The following TBC1D5 variants were observed in gnomAD, a reference collection of about 807,000 sequenced individuals.
TBC1D5 encodes the protein TBC1 domain family, member 5.
TBC1D5 carries 75 observed loss-of-function variants against 100.3 expected under a neutral mutation model. The observed-to-expected ratio is 0.75, with a 90% CI of 0.62 to 0.91. TBC1D5 has a LOEUF of 0.91. Ranked by LOEUF, TBC1D5 falls within the 40% of genes least tolerant of loss-of-function variation. The pLI is 0.00. For synonymous variants in TBC1D5, 323 were observed against 325.6 expected, an observed-to-expected ratio of 0.99 and a Z score of 0.09; for missense variants, 910 against 942.4, an observed-to-expected ratio of 0.97 and a Z score of 0.45.
Position 17,449,818 on chromosome 3 carries a change from A to C in TBC1D5, c.98-21299T>G, listed in dbSNP as rs1301987354. ...CTGTGGGAGCAGCTTCAGCAGACTTAAACATTCCTGCCTGCAGAATCTGAA... is the reference window on the plus strand; with the variant it reads ...CTGTGGGAGCAGCTTCAGCAGACTTCAACATTCCTGCCTGCAGAATCTGAA... On this transcript the variant is annotated intron_variant, in intron 3 of 21. Transcript: ENST00000253692. 1.3e-5 allele frequency among the ~76,000 whole-genome samples: 2 copies of C among 152,202 alleles called. 1 individual carries two copies. Among genetic ancestry groups the C allele is most frequent in the African/African-American group, 4.8e-5 (2 of 41,442 alleles).
intron 3 of TBC1D5, among the ~76,000 whole-genome samples, chr3:17,506,698 A>G (rs887774363): frequency 1.3e-5 from 2 of 152,208 alleles, no homozygotes; most frequent in African/African-American, 4.8e-5. Context: ...AAGCCTTTTT[A>G]GTAAAGGTAA....
chr3:17,567,048 T>C (rs1487876592), intron 2 of TBC1D5, among the ~76,000 whole-genome samples: 1 of 151,822 alleles, frequency 6.6e-6, no homozygotes, highest in African/African-American at 2.4e-5. Context: ...CCTACATTTT[T>C]ACCAATAAAT....
At chr3:17,273,609 C>T (rs1051187934) in intron 15 of TBC1D5, among the ~76,000 whole-genome samples, 1 of 152,010 alleles carries the variant, frequency 6.6e-6, no homozygotes, top group African/African-American at 2.4e-5. Flanking sequence ...GTGTTCGAGA[C>T]CAGCCTGGCC....
At chr3:17,735,349 T>C (rs891491195) in intron 1 of TBC1D5, among the ~76,000 whole-genome samples, 1 of 152,158 alleles carries the variant, frequency 6.6e-6, no homozygotes, top group Non-Finnish European at 1.5e-5. Flanking sequence ...ATGACATGAG[T>C]AATATCGTAT....
At chr3:17,681,498 T>C (rs774578802) in intron 1 of TBC1D5, among the ~76,000 whole-genome samples, 7 of 151,502 alleles carry the variant, frequency 4.6e-5, no homozygotes, top group Admixed American at 1.3e-4. Flanking sequence ...AAAAATTAAC[T>C]TACTCTCATC....
At chr3:17,345,383 C>A (rs999261020) in intron 13 of TBC1D5, among the ~76,000 whole-genome samples, 1 of 152,074 alleles carries the variant, frequency 6.6e-6, no homozygotes, top group African/African-American at 2.4e-5. Flanking sequence ...CCATCTCACA[C>A]CAGTTAGAAT....
At chr3:17,404,797 A>G in intron 6 of TBC1D5, 29 bp from the exon 7 acceptor site, 1 of 1,596,102 alleles carries the variant, frequency 6.3e-7, no homozygotes, top group Non-Finnish European at 8.5e-7. Context: ...ACACACACAC[A>G]AGGATCAGAG....
At chr3:17,331,630 G>T (rs961943510) in intron 13 of TBC1D5, among the ~76,000 whole-genome samples, 2 of 152,202 alleles carry the variant, frequency 1.3e-5, no homozygotes, top group Non-Finnish European at 2.9e-5. Flanking sequence ...ACAAAATAAA[G>T]TCTCTGCCTT....
chr3:17,280,586 G>A (rs1272890858), intron 15 of TBC1D5, among the ~76,000 whole-genome samples: 2 of 152,142 alleles, frequency 1.3e-5, no homozygotes, highest in Admixed American at 1.3e-4. Flanking sequence ...ACTTCAGAGG[G>A]ATGGTTTGAT....
intron 3 of TBC1D5, among the ~76,000 whole-genome samples, chr3:17,504,734 G>C (rs1281687733): frequency 6.6e-6 from 1 of 152,136 alleles, no homozygotes; most frequent in Non-Finnish European, 1.5e-5. Flanking sequence ...CCAGAGTAGG[G>C]TTTATAGTAC....
chr3:17,190,877 C>T (rs909165832), intron 18 of TBC1D5, among the ~76,000 whole-genome samples: 8 of 152,174 alleles, frequency 5.3e-5, no homozygotes, highest in South Asian at 4.2e-4. Context: ...ACAGGAAAGA[C>T]GCCCAGTCTT....
intron 3 of TBC1D5, among the ~76,000 whole-genome samples, chr3:17,473,302 T>A (rs9877883): frequency 0.98 from 149,498 of 152,306 alleles, 73,386 homozygotes; most frequent in Middle Eastern, 1. Flanking sequence ...ATCACAGATT[T>A]AATAAAAGAA....
chr3:17,223,942 G>T (rs979809778), intron 17 of TBC1D5, among the ~76,000 whole-genome samples: 4 of 150,888 alleles, frequency 2.7e-5, no homozygotes, highest in Middle Eastern at 3.4e-3. Context: ...AACAAACAAA[G>T]AAAAAAAGAC....
intron 2 of TBC1D5, among the ~76,000 whole-genome samples, chr3:17,598,895 G>A (rs2060748272): frequency 6.6e-6 from 1 of 152,056 alleles, no homozygotes; most frequent in African/African-American, 2.4e-5. Flanking sequence ...AAAAATAAAG[G>A]AAATCTAAAC....
At chr3:17,247,808 C>T (rs1210036015) in intron 16 of TBC1D5, among the ~76,000 whole-genome samples, 1 of 152,132 alleles carries the variant, frequency 6.6e-6, no homozygotes, top group Non-Finnish European at 1.5e-5. Context: ...CAATAATGTT[C>T]ATAGCATATT....
At chr3:17,672,132 T>G (rs1378081472) in intron 1 of TBC1D5, among the ~76,000 whole-genome samples, 1 of 152,198 alleles carries the variant, frequency 6.6e-6, no homozygotes, top group African/African-American at 2.4e-5. Context: ...AAATCTTAAG[T>G]GTGTAATAGA....
At chr3:17,724,535 A>G (rs1344447519) in intron 1 of TBC1D5, among the ~76,000 whole-genome samples, 3 of 152,176 alleles carry the variant, frequency 2.0e-5, no homozygotes, top group Non-Finnish European at 4.4e-5. Context: ...GGCAACTTTT[A>G]AGAGATTTTC....
intron 1 of TBC1D5, among the ~76,000 whole-genome samples, chr3:17,678,110 G>A (rs532662304): frequency 6.6e-6 from 1 of 152,248 alleles, no homozygotes; most frequent in South Asian, 2.1e-4. Context: ...TGCACGTTGT[G>A]CACATGTACC....
At chr3:17,341,353 C>T (rs2088883147) in intron 13 of TBC1D5, among the ~76,000 whole-genome samples, 1 of 152,092 alleles carries the variant, frequency 6.6e-6, no homozygotes, top group Admixed American at 6.5e-5. Context: ...GCCGCCACCA[C>T]GCCCGGCTAA....
Sources: allele counts gnomAD v4.1 joint callset (sites outside exome capture counted in the v4.1 genomes callset), GRCh38; gene constraint gnomAD v4.1.1; transcripts MANE v1.5; gene names NCBI Gene and HGNC (gene_info 2026-07-23, HGNC 2026-07-21).